The following MORC4 variants were observed in gnomAD, a reference collection of about 807,000 sequenced individuals.
MORC4 encodes MORC family CW-type zinc finger protein 4.
In MORC4, 22 loss-of-function variants were observed where a neutral mutation model predicts 65.5. The observed-to-expected ratio is 0.34, with a 90% confidence interval of 0.24 to 0.48. The LOEUF is 0.48. Ranked by LOEUF, MORC4 falls within the 20% of genes least tolerant of loss-of-function variation. MORC4 has a pLI of 0.99. For missense variants in MORC4, 624 were observed against 703.0 expected (o/e 0.89, Z 1.27); for synonymous variants, 267 against 255.8 (o/e 1.04, Z -0.42).
Position 106,999,984 on chromosome X carries a change from C to T in MORC4, c.-15G>A. 4 of 801,604 alleles carry T rather than the reference C, an allele frequency of 5.0e-6. No homozygotes were observed. The highest frequency in any genetic ancestry group is 6.2e-6 in the Non-Finnish European group (4 of 644,575). 66.1% of individuals were successfully genotyped at this position (801,604 alleles called of 1,213,427 possible). On this transcript the variant is annotated 5_prime_UTR_variant, in exon 1 of 17. It adds an upstream start codon to the 5' untranslated region. Transcript: ENST00000355610. ...TACAGGAGCATTTTTTTGGCCGCCA[C>T]GGTACCCGTCTGCTGCCGCCGGACC...
rs922708295 is a variant in MORC4 at position 106,968,976 on chromosome X, C to A, written c.1158-6866G>T. On this transcript the variant is annotated intron_variant, in intron 9 of 16. Transcript: ENST00000355610. Reference sequence around the variant, plus strand: ...CCAGGACTTGAACTCAGCTCTGGACCAAGCAGACCTAATAGACATCTACAG... The same window carrying A: ...CCAGGACTTGAACTCAGCTCTGGACAAAGCAGACCTAATAGACATCTACAG... Among the ~76,000 whole-genome samples, 3 of 111,558 alleles carry A rather than the reference C, an allele frequency of 2.7e-5. No individual in the cohort carries two copies. The Admixed American group carries it at 2.9e-4, about 11-fold the overall frequency.
chrX:106,981,297 G>C (rs1025498974), intron 6 of MORC4, 48 bp downstream of exon 6: 1 of 1,115,644 alleles, frequency 9.0e-7, no homozygotes, highest in Admixed American at 2.8e-5. Flanking sequence ...ATATTTTCAG[G>C]TTACAGGAAA....
intron 14 of MORC4, among the ~76,000 whole-genome samples, chrX:106,945,414 T>TG (rs1933801045): frequency 8.4e-5 from 7 of 83,242 alleles, no homozygotes; most frequent in Admixed American, 1.5e-4. Flanking sequence ...ACTTACTACT[T>TG]TGTGTGTGTG....
At chrX:106,986,872 A>C (rs748130770) in intron 3 of MORC4, among the ~76,000 whole-genome samples, 2 of 111,920 alleles carry the variant, frequency 1.8e-5, no homozygotes, top group South Asian at 7.5e-4. Flanking sequence ...CTCTTGCTCC[A>C]TTAAGGACCT....
intron 9 of MORC4, among the ~76,000 whole-genome samples, chrX:106,962,319 T>C (rs1461315085): frequency 8.9e-6 from 1 of 112,553 alleles, no homozygotes; most frequent in Non-Finnish European, 1.9e-5. Flanking sequence ...ACAGTCACTT[T>C]GGTTGAAAAG....
intron 9 of MORC4, among the ~76,000 whole-genome samples, chrX:106,964,048 CT>C (rs1168959053): frequency 9.0e-6 from 1 of 111,223 alleles, no homozygotes; most frequent in East Asian, 2.8e-4. Flanking sequence ...GAAACCACCC[CT>C]GAAAAAGAAC....
At chrX:106,964,863 G>T (rs181884564) in intron 9 of MORC4, among the ~76,000 whole-genome samples, 21 of 111,108 alleles carry the variant, frequency 1.9e-4, no homozygotes, top group African/African-American at 6.9e-4. Flanking sequence ...TACAAAAGTA[G>T]CTGGGCATGG....
At chrX:106,996,583 A>G (rs920315828) in intron 2 of MORC4, among the ~76,000 whole-genome samples, 6 of 111,349 alleles carry the variant, frequency 5.4e-5, no homozygotes, top group Non-Finnish European at 7.5e-5. Context: ...GTGCTATTGG[A>G]TCCCAGAAAA....
At chrX:106,965,925 G>A (rs1301621409) in intron 9 of MORC4, among the ~76,000 whole-genome samples, 2 of 112,004 alleles carry the variant, frequency 1.8e-5, no homozygotes, top group Non-Finnish European at 1.9e-5. Flanking sequence ...GTTACACAGT[G>A]GCAGAAAGCT....
intron 9 of MORC4, among the ~76,000 whole-genome samples, chrX:106,967,660 C>T (rs780324916): frequency 4.5e-5 from 5 of 111,773 alleles, no homozygotes; most frequent in Non-Finnish European, 7.5e-5. Context: ...ATGAGAACTT[C>T]GTGAAGCATA....
At chrX:106,979,993 C>T (rs1040830896) in intron 7 of MORC4, among the ~76,000 whole-genome samples, 2 of 110,547 alleles carry the variant, frequency 1.8e-5, no homozygotes, top group African/African-American at 3.3e-5. Context: ...AAGAGACCAA[C>T]GATTTCTCAT....
At chrX:106,964,526 A>G (rs1003836404) in intron 9 of MORC4, among the ~76,000 whole-genome samples, 2 of 111,585 alleles carry the variant, frequency 1.8e-5, no homozygotes, top group African/African-American at 6.5e-5. Context: ...TAAACATCCA[A>G]CCTTAACTCC....
chrX:106,949,240 T>C (rs1242744140), intron 14 of MORC4, among the ~76,000 whole-genome samples: 1 of 112,019 alleles, frequency 8.9e-6, no homozygotes, highest in African/African-American at 3.2e-5. Context: ...AGAATTTCCA[T>C]TTGATTCTTT....
intron 9 of MORC4, among the ~76,000 whole-genome samples, chrX:106,968,550 T>C (rs1934426724): frequency 9.5e-6 from 1 of 104,810 alleles, no homozygotes; most frequent in Non-Finnish European, 1.9e-5. Flanking sequence ...GACCCACTGG[T>C]GTGCTGTATT....
rs1935144026 is a variant in MORC4 at position 106,999,735 on chromosome X, G to A, written c.117C>T (p.Tyr39=). 9 of 1,116,774 alleles carry A rather than the reference G, an allele frequency of 8.1e-6. No homozygotes were observed. The highest frequency in any genetic ancestry group is 4.0e-5 in the East Asian group (1 of 25,221). 92.0% of individuals were successfully genotyped at this position (1,116,774 alleles called of 1,213,427 possible). Residue 39 remains tyrosine, a synonymous_variant, in exon 2 of 17, where the codon TAC becomes TAT. Transcript: ENST00000355610. ...GIRLSTMSPR[Y]LQSNSSSHTR... ...TGTGGCTGCTGGAGTTGCTCTGGAG[G>A]TAGCGGGGGCTCATCTGGGGGCGAG...
chrX:106,950,202 TTCTC>T (rs1313202036), intron 14 of MORC4, among the ~76,000 whole-genome samples: 8 of 112,289 alleles, frequency 7.1e-5, no homozygotes, highest in African/African-American at 9.7e-5. Context: ...ATTTCCCTGA[TTCTC>T]TCTGTTACCA....
intron 2 of MORC4, among the ~76,000 whole-genome samples, chrX:106,994,215 C>T (rs779269196): frequency 8.9e-6 from 1 of 112,092 alleles, no homozygotes. Context: ...GTCTAGTTGC[C>T]GCATGTTTTT....
At chrX:106,998,482 T>C (rs1028649245) in intron 2 of MORC4, among the ~76,000 whole-genome samples, 1 of 112,030 alleles carries the variant, frequency 8.9e-6, no homozygotes, top group Admixed American at 9.4e-5. Flanking sequence ...GAACAATACA[T>C]TTCGCTTTCC....
intron 14 of MORC4, among the ~76,000 whole-genome samples, chrX:106,947,576 TATATATATATATATA>T (rs1368593617): frequency 1.8e-4 from 16 of 88,680 alleles, no homozygotes; most frequent in Non-Finnish European, 3.0e-4. Context: ...ATATATTATA[TATATATATATATATA>T]ATATATATAT....
Sources: allele counts gnomAD v4.1 joint callset (sites outside exome capture counted in the v4.1 genomes callset), GRCh38; gene constraint gnomAD v4.1.1; transcripts MANE v1.5; gene names NCBI Gene and HGNC (gene_info 2026-07-23, HGNC 2026-07-21).